Variants in ZNF415 observed in about 807,000 individuals in gnomAD.
The protein encoded by ZNF415 is zinc finger protein 415.
A neutral mutation model predicts 7.3 loss-of-function variants in ZNF415; 5 were observed. The ratio of observed to expected loss-of-function variants is 0.69; its 90% CI spans 0.36 to 1.44. The LOEUF (loss-of-function observed/expected upper bound fraction) is 1.44. ZNF415 is among the 40% of genes most tolerant of loss of function. ZNF415 has a pLI of 0.04. For synonymous variants in ZNF415, 207 were observed against 226.3 expected, an observed-to-expected ratio of 0.91 and a Z score of 0.77; for missense variants, 628 against 664.8, an observed-to-expected ratio of 0.94 and a Z score of 0.61.
chr19:53,122,331 C>G lies in ZNF415; in HGVS notation c.15+331G>C, dbSNP rs1170444942. 2.8e-6 allele frequency: 4 copies of G among 1,433,668 alleles called. No individual in the cohort carries two copies. The East Asian group carries it at 9.9e-5, about 36-fold the overall frequency. 88.8% of individuals were successfully genotyped at this position (1,433,668 alleles called of 1,614,324 possible). Reference sequence around the variant, plus strand: ...TTCTCTATTCCTGGGCTACGGAGAGCCGACAGTGCATCCAAATGTGGCCCC... The same window carrying G: ...TTCTCTATTCCTGGGCTACGGAGAGGCGACAGTGCATCCAAATGTGGCCCC... On this transcript the variant is annotated intron_variant, in intron 2 of 3. Coordinates refer to ENST00000243643, the MANE Select transcript of ZNF415 (RefSeq NM_018355.4).
chr19:53,111,993 G>C (rs2086300505), intron 3 of ZNF415, among the ~76,000 whole-genome samples: 1 of 152,040 alleles, frequency 6.6e-6, no homozygotes, highest in Non-Finnish European at 1.5e-5. Context: ...CCAGGCTGGG[G>C]TGCAGTGGTG....
rs2090008184 is a variant in ZNF415, at chr19:53,131,064, T to A, written c.-68+1792A>T. ...AAACATTTTGAGATTTTCTTGCAAC[T>A]TTTTTTTTTTTTTTTTTTTTTTTTT... On this transcript the variant is annotated intron_variant, in intron 1 of 3. Coordinates refer to ENST00000243643, the MANE Select transcript of ZNF415 (RefSeq NM_018355.4). 7.6e-3 allele frequency among the ~76,000 whole-genome samples: 4 copies of A among 528 alleles called. No individual in the cohort carries two copies. The South Asian group carries it at 0.1, about 13-fold the overall frequency. 0.3% of individuals were successfully genotyped at this position (528 alleles called of 152,430 possible).
intron 2 of ZNF415, 83 bp downstream of exon 2, chr19:53,122,579 A>C (rs2088290495): frequency 1.9e-6 from 3 of 1,608,492 alleles, no homozygotes; most frequent in Non-Finnish European, 1.7e-6. Context: ...TCAGACTCAG[A>C]GAAGATTTGC....
chr19:53,129,059 C>T (rs8107898), intron 1 of ZNF415, among the ~76,000 whole-genome samples: 87,861 of 150,700 alleles, frequency 0.58, 25,748 homozygotes, highest in Middle Eastern at 0.65. Flanking sequence ...TGGGAGGGCA[C>T]GGGAGACATC....
chr19:53,110,598 A>G (rs560743978), intron 3 of ZNF415, among the ~76,000 whole-genome samples: 3 of 152,344 alleles, frequency 2.0e-5, no homozygotes, highest in Admixed American at 6.5e-5. Flanking sequence ...CAATTAATTA[A>G]TAAAACACTG....
intron 2 of ZNF415, 59 bp downstream of exon 2, chr19:53,122,603 T>G (rs2088296834): frequency 6.2e-7 from 1 of 1,612,312 alleles, no homozygotes; most frequent in South Asian, 1.1e-5. Flanking sequence ...TCCAAGGCAT[T>G]GTCTCCCACC....
intron 1 of ZNF415, among the ~76,000 whole-genome samples, chr19:53,125,875 T>G (rs919811271): frequency 2.0e-5 from 3 of 151,670 alleles, no homozygotes; most frequent in African/African-American, 7.3e-5. Context: ...GAGGCAGAGG[T>G]TGCAGTGAGC....
intron 3 of ZNF415, chr19:53,115,701 T>C: frequency 6.5e-7 from 1 of 1,549,122 alleles, no homozygotes; most frequent in Non-Finnish European, 8.7e-7. Context: ...TCTGAGGTCT[T>C]ACCTGTTTTC....
At chr19:53,122,893 A>C in intron 1 of ZNF415, 150 bp from the exon 2 acceptor site, 1 of 594,036 alleles carries the variant, frequency 1.7e-6, no homozygotes, top group Non-Finnish European at 3.0e-6. Flanking sequence ...GGGACAAGAA[A>C]CTCCTACAGG....
chr19:53,129,684 GAGA>G lies in ZNF415; in HGVS notation c.-68+3169_-68+3171del, dbSNP rs373291065. ...TTATCCTGAGAGGTCTGAGTTGAGT[GAGA>G]AGGAGGAGATGTGGCTGAATTATGA... On this transcript the variant is annotated intron_variant, in intron 1 of 3. Coordinates refer to ENST00000243643, the MANE Select transcript of ZNF415 (RefSeq NM_018355.4). The G allele has an allele frequency of 1.3e-3, 516 of 398,926 alleles. 3 individuals are homozygous for G. The highest frequency in any genetic ancestry group is 8.7e-3 in the African/African-American group (424 of 48,740). 24.7% of individuals were successfully genotyped at this position (398,926 alleles called of 1,614,324 possible).
At chr19:53,122,808 C>T (rs2088346156) in intron 1 of ZNF415, 65 bp from the exon 2 acceptor site, 1 of 1,232,230 alleles carries the variant, frequency 8.1e-7, no homozygotes, top group Non-Finnish European at 1.2e-6. Context: ...GTGTGACAAG[C>T]ACACACATAC....
chr19:53,122,423 G>A (rs2088259517), intron 2 of ZNF415: 1 of 1,537,728 alleles, frequency 6.5e-7, no homozygotes, highest in Non-Finnish European at 8.7e-7. Context: ...ATCCATGTCT[G>A]GGTGTGAGCC....
intron 1 of ZNF415, among the ~76,000 whole-genome samples, chr19:53,130,701 C>G (rs187240550): frequency 3.9e-5 from 6 of 152,150 alleles, no homozygotes; most frequent in African/African-American, 1.4e-4. Flanking sequence ...GCTCTGTCAC[C>G]GGATCTCGGC....
At chr19:53,127,414 C>A (rs907303237) in intron 1 of ZNF415, among the ~76,000 whole-genome samples, 1 of 152,180 alleles carries the variant, frequency 6.6e-6, no homozygotes, top group African/African-American at 2.4e-5. Flanking sequence ...CACTGACCCA[C>A]GACAATGTAT....
At position 53,108,765 on chromosome 19, in the gene ZNF415, A is replaced by T. The variant is rs778707959; in HGVS notation, c.1280T>A (p.Leu427His). The stretch of plus-strand genomic sequence containing the variant: ...AGTATGAACTCTCCGATGACTCGCA[A>T]GGTGTGAATTGTAACTGAAAACCTT... ...CGKVFSYNSH[L>H]ASHRRVHTGE... Residue 427 changes from leucine (L) to histidine (H), a missense_variant, in exon 4 of 4, where the codon CTT (leucine) becomes CAT (histidine). Transcript: ENST00000243643. 6.2e-7 allele frequency: 1 copy of T among 1,613,468 alleles called. No individual in the cohort carries two copies.
At chr19:53,120,056 T>C (rs56113818) in intron 2 of ZNF415, among the ~76,000 whole-genome samples, 15,959 of 151,240 alleles carry the variant, frequency 0.11, 922 homozygotes, top group African/African-American at 0.16. Context: ...ATTCCCGATA[T>C]CAAACCAGAA....
In ZNF415 at chr19:53,108,063, C is replaced by T; in HGVS notation, c.*314G>A. On this transcript the variant is annotated 3_prime_UTR_variant, in exon 4 of 4. Coordinates refer to ENST00000243643, the MANE Select transcript of ZNF415 (RefSeq NM_018355.4). ...ATCCTTGGTTAATAGCTTCAACATGCACAAAATATACAAAGATGTTTACAC... is the reference window on the plus strand; with the variant it reads ...ATCCTTGGTTAATAGCTTCAACATGTACAAAATATACAAAGATGTTTACAC... The T allele has an allele frequency of 3.4e-6, 1 of 297,530 alleles. No homozygotes were observed. The highest frequency in any genetic ancestry group is 1.0e-3 in the Middle Eastern group (1 of 962). 18.4% of individuals were successfully genotyped at this position (297,530 alleles called of 1,614,324 possible). A position where few individuals can be genotyped will look rare whatever the true frequency, so the allele number is the denominator to read the frequency against.
chr19:53,125,400 T>C (rs12462064), intron 1 of ZNF415, among the ~76,000 whole-genome samples: 5,426 of 151,678 alleles, frequency 0.036, 195 homozygotes, highest in South Asian at 0.091. Context: ...AGTGATGTGA[T>C]GCTGGCTCAG....
rs1040676798 is a variant in ZNF415, at chr19:53,127,797, A to G, written c.-67-5054T>C. Among the ~76,000 whole-genome samples, 32 of 151,428 alleles carry G rather than the reference A, an allele frequency of 2.1e-4. 1 individual carries two copies. The highest frequency in any genetic ancestry group is 4.6e-4 in the Admixed American group (7 of 15,176). ...GAGGCTGAGGCACGCGAATCGCTTG[A>G]ACCTAGGAGGTGGAGGTTGCAGTGG... On this transcript the variant is annotated intron_variant, in intron 1 of 3. Coordinates refer to ENST00000243643, the MANE Select transcript of ZNF415 (RefSeq NM_018355.4).
Sources: gnomAD v4.1 joint callset for allele counts (sites outside exome capture counted in the v4.1 genomes callset) on GRCh38, gnomAD v4.1.1 for gene constraint, MANE v1.5 for transcripts, NCBI Gene and HGNC (gene_info 2026-07-23, HGNC 2026-07-21) for gene names.